The following NTM variants were observed in gnomAD, a reference collection of about 807,000 sequenced individuals.
The protein encoded by NTM is IgLON family member 2.
Under a neutral mutation model 42.1 loss-of-function variants are expected in NTM, and 13 were observed. The ratio of observed to expected loss-of-function variants is 0.31; its 90% CI spans 0.20 to 0.49. The LOEUF is 0.49. NTM is among the 20% of genes least tolerant of loss of function. The pLI, the probability that NTM is intolerant of heterozygous loss-of-function variation, is 0.99. For missense variants in NTM, 373 were observed against 452.8 expected (o/e 0.82, Z 1.60); for synonymous variants, 187 against 179.2 (o/e 1.04, Z -0.35).
chr11:131,893,821 C>T (rs751077361), intron 1 of NTM, among the ~76,000 whole-genome samples: 5 of 152,170 alleles, frequency 3.3e-5, no homozygotes, highest in African/African-American at 9.6e-5. Context: ...GTGAGATCTG[C>T]GTGTCATGAG....
chr11:132,150,366 C>T (rs1362213350), intron 3 of NTM, among the ~76,000 whole-genome samples: 1 of 152,090 alleles, frequency 6.6e-6, no homozygotes, highest in Non-Finnish European at 1.5e-5. Flanking sequence ...GAACAAATAC[C>T]CAAACTACTG....
At chr11:131,468,068 T>C (rs1201945684) in intron 1 of NTM, among the ~76,000 whole-genome samples, 1 of 152,236 alleles carries the variant, frequency 6.6e-6, no homozygotes, top group African/African-American at 2.4e-5. Flanking sequence ...GTAGGGTCAG[T>C]GTGAACTGAT....
At chr11:132,237,304 G>A (rs771487279) in intron 4 of NTM, among the ~76,000 whole-genome samples, 10 of 152,028 alleles carry the variant, frequency 6.6e-5, no homozygotes, top group Non-Finnish European at 1.3e-4. Flanking sequence ...TTACGCTCTC[G>A]GCTCCACGAG....
chr11:131,813,778 A>G (rs940972321), intron 1 of NTM, among the ~76,000 whole-genome samples: 1 of 152,158 alleles, frequency 6.6e-6, no homozygotes, highest in African/African-American at 2.4e-5. Context: ...TGGCAGTATA[A>G]CTTAGTGGTT....
chr11:132,331,466 GA>G (rs34996563), intron 8 of NTM, among the ~76,000 whole-genome samples: 1 of 152,068 alleles, frequency 6.6e-6, no homozygotes, highest in Non-Finnish European at 1.5e-5. Context: ...GGCAAGGTAT[GA>G]AAAAAGTTTT....
chr11:132,010,111 T>C (rs2071782735), intron 2 of NTM, among the ~76,000 whole-genome samples: 1 of 152,212 alleles, frequency 6.6e-6, no homozygotes, highest in Non-Finnish European at 1.5e-5. Context: ...CAAACACTTA[T>C]CCTCACCACG....
chr11:132,146,469 A>G lies in NTM; in HGVS notation c.355A>G (p.Thr119Ala). 14 of 1,614,190 alleles carry G rather than the reference A, an allele frequency of 8.7e-6. No individual in the cohort carries two copies. Among genetic ancestry groups the G allele is most frequent in the Non-Finnish European group, 1.2e-5 (14 of 1,180,036 alleles). ...DEGPYTCSVQ[T>A]DNHPKTSRVH... Reference sequence around the variant, plus strand: ...GGGCCCTTACACCTGCTCGGTGCAGACAGACAACCACCCAAAGACCTCTAG... The same window carrying G: ...GGGCCCTTACACCTGCTCGGTGCAGGCAGACAACCACCCAAAGACCTCTAG... Residue 119 changes from threonine (T) to alanine (A), a missense_variant, in exon 3 of 9, where the codon ACA becomes GCA. Physicochemically the swap from Thr to Ala is moderately conservative, Grantham distance 58. Transcript: ENST00000683400. The surrounding 1 kb of genome is among the most constrained non-coding windows in gnomAD (Gnocchi z 4.5).
At chr11:131,846,507 T>G (rs1408378759) in intron 1 of NTM, among the ~76,000 whole-genome samples, 1 of 152,222 alleles carries the variant, frequency 6.6e-6, no homozygotes, top group East Asian at 1.9e-4. Flanking sequence ...AATACTATAC[T>G]GTTTTAACTC....
At chr11:131,660,642 C>G (rs557092266) in intron 1 of NTM, 18 of 453,212 alleles carry the variant, frequency 4.0e-5, no homozygotes, top group South Asian at 6.3e-5. Context: ...ACCCCTCCCC[C>G]CTTATTCCTT....
At chr11:131,583,793 A>C (rs551761937) in intron 1 of NTM, among the ~76,000 whole-genome samples, 11 of 152,330 alleles carry the variant, frequency 7.2e-5, no homozygotes, top group African/African-American at 2.6e-4. Context: ...GGAACCAAGG[A>C]GTATTTATTC....
At chr11:131,476,991 C>T (rs893231198) in intron 1 of NTM, among the ~76,000 whole-genome samples, 73 of 151,938 alleles carry the variant, frequency 4.8e-4, no homozygotes, top group South Asian at 2.1e-4. Flanking sequence ...CTATGCATAC[C>T]CCGCACCCCG....
intron 4 of NTM, among the ~76,000 whole-genome samples, chr11:132,251,877 G>T (rs3133905): frequency 6.6e-6 from 1 of 152,040 alleles, no homozygotes; most frequent in African/African-American, 2.4e-5. Flanking sequence ...AGGAAGAGGC[G>T]CAGGCTTCCA....
At chr11:132,055,244 AATT>A (rs2079449305) in intron 2 of NTM, among the ~76,000 whole-genome samples, 1 of 152,198 alleles carries the variant, frequency 6.6e-6, no homozygotes, top group Non-Finnish European at 1.5e-5. Flanking sequence ...CAGCTGTTCC[AATT>A]ATGGTGCTCA....
chr11:131,460,385 C>T (rs76464696), intron 1 of NTM, among the ~76,000 whole-genome samples: 2 of 152,168 alleles, frequency 1.3e-5, no homozygotes, highest in African/African-American at 4.8e-5. Context: ...GCTTAGTATA[C>T]AAGTAAAATT....
intron 3 of NTM, among the ~76,000 whole-genome samples, chr11:132,165,686 G>A (rs1479478925): frequency 1.3e-5 from 2 of 152,138 alleles, no homozygotes; most frequent in Non-Finnish European, 2.9e-5. Context: ...GATGGGGCTT[G>A]AACCCTTATC....
In NTM at chr11:132,146,344, C is replaced by A; in HGVS notation, c.230C>A (p.Ala77Asp). 1.9e-6 allele frequency: 3 copies of A among 1,614,224 alleles called. No individual in the cohort carries two copies. The highest frequency in any genetic ancestry group is 2.5e-6 in the Non-Finnish European group (3 of 1,180,052). ...CTAAACCGCAGCACCATCCTCTATG[C>A]TGGGAATGACAAGTGGTGCCTGGAT... is the stretch of plus-strand genomic sequence containing the variant. ...AWLNRSTILY[A>D]GNDKWCLDPR... is the part of the protein sequence containing the mutation. Residue 77 changes from alanine to aspartate, a missense_variant, in exon 3 of 9, where the codon GCT (alanine) becomes GAT (aspartate). Around this residue, in one of 3 missense-constraint regions of NTM, gnomAD observed 312 missense variants for 353.5 expected, o/e 0.88. Coordinates refer to ENST00000683400, the MANE Select transcript of NTM (RefSeq NM_001352005.2). This position sits in a 1 kb window ranked among gnomAD's most constrained non-coding sequence, Gnocchi z 4.5.
At chr11:132,206,500 A>G (rs1048993412) in intron 3 of NTM, among the ~76,000 whole-genome samples, 3 of 152,148 alleles carry the variant, frequency 2.0e-5, no homozygotes, top group African/African-American at 4.8e-5. Flanking sequence ...ACTTACTCCT[A>G]TGTCTTTGAA....
intron 1 of NTM, chr11:131,573,559 A>C (rs2057652845): frequency 6.6e-6 from 1 of 151,944 alleles, no homozygotes; most frequent in Admixed American, 6.6e-5. Flanking sequence ...GTAGGTGACC[A>C]CCTCTCCCAG....
At chr11:131,504,960 A>G (rs1174126947) in intron 1 of NTM, among the ~76,000 whole-genome samples, 2 of 152,012 alleles carry the variant, frequency 1.3e-5, no homozygotes, top group African/African-American at 2.4e-5. Context: ...CCTCCGCACT[A>G]TCTGACCTGG....
Sources: gnomAD v4.1 joint callset for allele counts (sites outside exome capture counted in the v4.1 genomes callset) on GRCh38, gnomAD v4.1.1 for gene constraint, gnomAD v4.1.1 regional missense constraint, Gnocchi (gnomAD v3.1) non-coding constraint, MANE v1.5 for transcripts, NCBI Gene and HGNC (gene_info 2026-07-23, HGNC 2026-07-21) for gene names.